The following RBFOX1 variants were observed in gnomAD, a reference collection of about 807,000 sequenced individuals.
RBFOX1 encodes the protein RNA binding protein fox-1 homolog 1.
In RBFOX1, 8 loss-of-function variants were observed where a neutral mutation model predicts 57.7. The observed-to-expected ratio is 0.14, with a 90% CI of 0.08 to 0.25. The LOEUF (loss-of-function observed/expected upper bound fraction) is 0.25, where lower values mean the gene tolerates loss of function less well. RBFOX1 is among the 10% of genes least tolerant of loss of function. The pLI, the probability that RBFOX1 is intolerant of heterozygous loss-of-function variation, is 1.00. For synonymous variants in RBFOX1, 326 were observed against 222.4 expected, an observed-to-expected ratio of 1.47 and a Z score of -4.15; for missense variants, 611 against 548.5, an observed-to-expected ratio of 1.11 and a Z score of -1.14.
chr16:6,594,322 A>C (rs1864097793), intron 2 of RBFOX1, among the ~76,000 whole-genome samples: 1 of 152,222 alleles, frequency 6.6e-6, no homozygotes, highest in African/African-American at 2.4e-5. Flanking sequence ...GGAGGCCGAC[A>C]AGATCCCATA....
At chr16:6,470,650 G>A (rs1021386368) in intron 2 of RBFOX1, among the ~76,000 whole-genome samples, 1 of 152,080 alleles carries the variant, frequency 6.6e-6, no homozygotes, top group Admixed American at 6.6e-5. Flanking sequence ...ACTTGATGTG[G>A]TCAAAATGAG....
intron 1 of RBFOX1, among the ~76,000 whole-genome samples, chr16:6,223,769 C>CCTTGCCCATGT (rs912410996): frequency 6.6e-6 from 1 of 152,170 alleles, no homozygotes; most frequent in Admixed American, 6.5e-5. Context: ...GACATGAAGT[C>CCTTGCCCATGT]CTTGCCCATG....
intron 1 of RBFOX1, among the ~76,000 whole-genome samples, chr16:6,185,665 C>G (rs1567635623): frequency 1.3e-5 from 2 of 152,232 alleles, no homozygotes; most frequent in African/African-American, 4.8e-5. Flanking sequence ...TATTTCACCC[C>G]TATACACTTG....
In RBFOX1 at chr16:6,019,040, C is replaced by T. The variant is rs999317518; in HGVS notation, c.-1079C>T. 10 of 957,052 alleles carry T rather than the reference C, an allele frequency of 1.0e-5. No individual in the cohort carries two copies. The African/African-American group carries it at 1.6e-4, about 15-fold the overall frequency. 59.3% of individuals were successfully genotyped at this position (957,052 alleles called of 1,614,324 possible). A position where few individuals can be genotyped will look rare whatever the true frequency, so the allele number is the denominator to read the frequency against. On this transcript the variant is annotated 5_prime_UTR_variant, in exon 1 of 16. Coordinates refer to ENST00000550418, the MANE Select transcript of RBFOX1 (RefSeq NM_018723.4). The surrounding 1 kb of genome is among the most constrained non-coding windows in gnomAD (Gnocchi z 4.2). The stretch of plus-strand genomic sequence containing the variant: ...TCGCGCACCAGATTATTTTTGGCTC[C>T]GCAGCCGGGGCTGCTCGCTGCTTGT...
At chr16:5,286,167 C>G (rs559401266) in intron 1 of RBFOX1, among the ~76,000 whole-genome samples, 1 of 152,090 alleles carries the variant, frequency 6.6e-6, no homozygotes, top group Non-Finnish European at 1.5e-5. Flanking sequence ...GGTGGTGGAC[C>G]AGGTGTGTCA....
intron 3 of RBFOX1, among the ~76,000 whole-genome samples, chr16:6,723,248 G>T (rs1022417695): frequency 6.6e-6 from 1 of 152,220 alleles, no homozygotes; most frequent in Non-Finnish European, 1.5e-5. Context: ...GTGAGACTTT[G>T]GGCAAGCAGT....
chr16:7,419,503 G>C (rs1406705962), intron 4 of RBFOX1, among the ~76,000 whole-genome samples: 1 of 152,186 alleles, frequency 6.6e-6, no homozygotes, highest in Non-Finnish European at 1.5e-5. Flanking sequence ...GCCCACCACG[G>C]CTTTTGTTTT....
At chr16:5,390,642 C>T (rs2066382351) in intron 1 of RBFOX1, among the ~76,000 whole-genome samples, 1 of 152,006 alleles carries the variant, frequency 6.6e-6, no homozygotes, top group Non-Finnish European at 1.5e-5. Flanking sequence ...TATGTTTTAG[C>T]CAGGCGAATC....
intron 4 of RBFOX1, among the ~76,000 whole-genome samples, chr16:5,896,414 T>TA (rs906443671): frequency 5.3e-5 from 8 of 152,138 alleles, no homozygotes; most frequent in Middle Eastern, 3.4e-3. Context: ...AACTGATTGC[T>TA]AAAAAAACCT....
At chr16:7,324,250 G>C (rs78646852) in intron 4 of RBFOX1, among the ~76,000 whole-genome samples, 5,318 of 152,194 alleles carry the variant, frequency 0.035, 319 homozygotes, top group African/African-American at 0.12. Flanking sequence ...GAAAATAATA[G>C]GCAGAAAGCT....
At chr16:7,667,052 A>AATATAAT (rs1200528911) in intron 13 of RBFOX1, among the ~76,000 whole-genome samples, 1 of 152,208 alleles carries the variant, frequency 6.6e-6, no homozygotes, top group Non-Finnish European at 1.5e-5. Flanking sequence ...TTATAATGAC[A>AATATAAT]ATAAGATTTT....
Position 5,788,017 on chromosome 16 carries a change from C to G in RBFOX1, c.319-79286C>G, listed in dbSNP as rs61401864. On this transcript the variant is annotated intron_variant, in intron 3 of 19. Coordinates refer to the RBFOX1 transcript ENST00000641259. ...CAGCGGGGGCAGGAAATGAAGCGACCTTGTTTACACCTATAGAATGGGGTA... is the reference window on the plus strand; with the variant it reads ...CAGCGGGGGCAGGAAATGAAGCGACGTTGTTTACACCTATAGAATGGGGTA... Among the ~76,000 whole-genome samples the G allele has an allele frequency of 4.4e-3, 669 of 152,270 alleles. 6 individuals carry two copies. The highest frequency in any genetic ancestry group is 0.015 in the African/African-American group (614 of 41,552).
At chr16:6,488,020 G>C (rs1189809406) in intron 2 of RBFOX1, among the ~76,000 whole-genome samples, 1 of 151,894 alleles carries the variant, frequency 6.6e-6, no homozygotes, top group Admixed American at 6.6e-5. Flanking sequence ...CACTCAAAAA[G>C]CTCATCTCCC....
chr16:6,556,050 G>A (rs558487874), intron 2 of RBFOX1, among the ~76,000 whole-genome samples: 7 of 152,236 alleles, frequency 4.6e-5, no homozygotes, highest in African/African-American at 1.4e-4. Flanking sequence ...GGCATTTTGA[G>A]ACTAGTGAAA....
intron 4 of RBFOX1, among the ~76,000 whole-genome samples, chr16:7,490,353 T>A (rs1181718665): frequency 6.6e-6 from 1 of 152,170 alleles, no homozygotes; most frequent in African/African-American, 2.4e-5. Flanking sequence ...CAGGGCTCTA[T>A]CCCTGGCGAG....
At chr16:6,204,244 C>A (rs1354973595) in intron 1 of RBFOX1, among the ~76,000 whole-genome samples, 1 of 152,098 alleles carries the variant, frequency 6.6e-6, no homozygotes, top group Non-Finnish European at 1.5e-5. Context: ...TAAACTGCTT[C>A]CATTTTACAG....
chr16:7,263,627 G>T (rs563477946), intron 4 of RBFOX1, among the ~76,000 whole-genome samples: 8 of 152,090 alleles, frequency 5.3e-5, no homozygotes, highest in Non-Finnish European at 1.0e-4. Context: ...GCTGGGAACG[G>T]TGGCTCACAC....
intron 5 of RBFOX1, among the ~76,000 whole-genome samples, chr16:7,576,413 C>A (rs1378508799): frequency 1.3e-5 from 2 of 152,170 alleles, no homozygotes; most frequent in Admixed American, 1.3e-4. Context: ...GTTTTATTCA[C>A]TCCTCAACCT....
At chr16:7,090,251 G>C (rs534129535) in intron 4 of RBFOX1, among the ~76,000 whole-genome samples, 2 of 152,252 alleles carry the variant, frequency 1.3e-5, no homozygotes, top group African/African-American at 2.4e-5. Flanking sequence ...TCCATATTCA[G>C]TTTACTCCTG....
Sources: allele counts gnomAD v4.1 joint callset (sites outside exome capture counted in the v4.1 genomes callset), GRCh38; gene constraint gnomAD v4.1.1; non-coding constraint Gnocchi (gnomAD v3.1); transcripts MANE v1.5; gene names NCBI Gene and HGNC (gene_info 2026-07-23, HGNC 2026-07-21).